GABRG1: variants seen among roughly 807,000 people sequenced by gnomAD.
GABRG1 encodes the protein gamma-aminobutyric acid type A receptor subunit gamma1, also known as gamma-aminobutyric acid receptor subunit gamma-1.
A neutral mutation model predicts 49.8 loss-of-function variants in GABRG1; 49 were observed. The ratio of observed to expected loss-of-function variants is 0.98; its 90% CI spans 0.78 to 1.25. GABRG1 has a LOEUF of 1.25. GABRG1 is among the 50% of genes most tolerant of loss of function. GABRG1 has a pLI of 0.00. For synonymous variants in GABRG1, 232 were observed against 185.1 expected, an observed-to-expected ratio of 1.25 and a Z score of -2.06; for missense variants, 552 against 552.3, an observed-to-expected ratio of 1.00 and a Z score of 0.01.
intron 7 of GABRG1, among the ~76,000 whole-genome samples, chr4:46,056,410 C>T (rs1371073914): frequency 1.3e-5 from 2 of 151,962 alleles, no homozygotes; most frequent in Non-Finnish European, 2.9e-5. Flanking sequence ...CCAATATCCA[C>T]CAGGTTAGCA....
rs1211282091 is a variant in GABRG1 at position 46,039,294 on chromosome 4, C to T, written c.*1694G>A. On this transcript the variant is annotated 3_prime_UTR_variant, in exon 9 of 9. Transcript: ENST00000295452. ...ATTGGGCATTACCATTTGATTCATG[C>T]TTATTTTTTTCCAGAAGTTTATGAG... 1 of 149,964 alleles carries T rather than the reference C, an allele frequency of 6.7e-6. No homozygotes were observed. Among genetic ancestry groups the T allele is most frequent in the Non-Finnish European group, 1.5e-5 (1 of 67,330 alleles). 9.3% of individuals were successfully genotyped at this position (149,964 alleles called of 1,614,324 possible).
intron 1 of GABRG1, among the ~76,000 whole-genome samples, chr4:46,104,922 T>A (rs1417246120): frequency 1.3e-5 from 2 of 151,450 alleles, no homozygotes; most frequent in South Asian, 2.1e-4. Context: ...CACAGTTTCC[T>A]CATCAAACTT....
chr4:46,075,312 A>G (rs1023899735), intron 3 of GABRG1, among the ~76,000 whole-genome samples: 3 of 151,982 alleles, frequency 2.0e-5, no homozygotes, highest in African/African-American at 4.8e-5. Flanking sequence ...CTTTTTGTTA[A>G]TTTTTAACTT....
intron 1 of GABRG1, among the ~76,000 whole-genome samples, chr4:46,109,187 C>G (rs1339132922): frequency 6.6e-6 from 1 of 150,528 alleles, no homozygotes; most frequent in East Asian, 2.0e-4. Flanking sequence ...AATACTGATT[C>G]AATTTTGAAA....
intron 3 of GABRG1, among the ~76,000 whole-genome samples, chr4:46,083,578 A>G (rs1232823950): frequency 6.6e-6 from 1 of 151,738 alleles, no homozygotes; most frequent in Admixed American, 6.6e-5. Context: ...AATTGCTGGA[A>G]GTCCCCCTGA....
In GABRG1 at chr4:46,036,553, C is replaced by T. The variant is rs1176479963; in HGVS notation, c.*4435G>A. On this transcript the variant is annotated 3_prime_UTR_variant, in exon 9 of 9. Coordinates refer to ENST00000295452, the MANE Select transcript of GABRG1 (RefSeq NM_173536.4). ...TACCCATCTACATGCAAGCAAGTAT[C>T]TACTACAGGATCCCTTCCACCCAAC... 1 of 151,886 alleles carries T rather than the reference C, an allele frequency of 6.6e-6. No homozygotes were observed. Among genetic ancestry groups the T allele is most frequent in the Non-Finnish European group, 1.5e-5 (1 of 67,904 alleles). The allele number at this position is 151,886 out of a possible 1,614,324, so 9.4% of individuals were successfully genotyped here.
chr4:46,109,908 T>A (rs570187144), intron 1 of GABRG1, among the ~76,000 whole-genome samples: 98 of 151,166 alleles, frequency 6.5e-4, no homozygotes, highest in African/African-American at 1.8e-3. Context: ...TTTTTGAATT[T>A]GTTGAGATGT....
chr4:46,048,913 A>G (rs958590242), intron 8 of GABRG1, among the ~76,000 whole-genome samples: 2 of 151,928 alleles, frequency 1.3e-5, no homozygotes, highest in Admixed American at 1.3e-4. Flanking sequence ...GAACATTTTG[A>G]GATTCTCAGT....
chr4:46,089,144 A>G (rs937680923), intron 2 of GABRG1, among the ~76,000 whole-genome samples: 1 of 152,038 alleles, frequency 6.6e-6, no homozygotes, highest in Admixed American at 6.6e-5. Flanking sequence ...TCAGCAGCAC[A>G]TATCTTCAGA....
intron 8 of GABRG1, among the ~76,000 whole-genome samples, chr4:46,043,073 C>T (rs990055316): frequency 3.3e-4 from 50 of 151,690 alleles, no homozygotes; most frequent in Non-Finnish European, 1.8e-4. Context: ...AGCATATGCT[C>T]TTATGCTAAT....
At chr4:46,046,682 AG>A (rs537120969) in intron 8 of GABRG1, among the ~76,000 whole-genome samples, 357 of 152,080 alleles carry the variant, frequency 2.3e-3, no homozygotes, top group African/African-American at 8.2e-3. Flanking sequence ...AGGCGGTGCC[AG>A]GGGGGACCCA....
At chr4:46,110,197 A>T (rs1485795783) in intron 1 of GABRG1, among the ~76,000 whole-genome samples, 1 of 151,014 alleles carries the variant, frequency 6.6e-6, no homozygotes, top group Non-Finnish European at 1.5e-5. Flanking sequence ...AGGTGCTCCA[A>T]TGTTGGGTGC....
At chr4:46,075,330 T>C (rs1006261492) in intron 3 of GABRG1, among the ~76,000 whole-genome samples, 14 of 152,214 alleles carry the variant, frequency 9.2e-5, no homozygotes, top group African/African-American at 3.4e-4. Context: ...CTTTTTTACT[T>C]TGAACATTTT....
At chr4:46,079,621 C>T (rs1017732796) in intron 3 of GABRG1, among the ~76,000 whole-genome samples, 6 of 151,846 alleles carry the variant, frequency 4.0e-5, no homozygotes, top group Non-Finnish European at 7.4e-5. Flanking sequence ...CAATTAAATT[C>T]ATGTCCAAAT....
At chr4:46,081,932 T>A (rs1207527278) in intron 3 of GABRG1, among the ~76,000 whole-genome samples, 11 of 151,806 alleles carry the variant, frequency 7.2e-5, no homozygotes, top group Non-Finnish European at 1.5e-4. Flanking sequence ...ATGACATAGA[T>A]CTTGGACTTC....
In GABRG1 at chr4:46,037,582, C is replaced by T. The variant is rs1717578898; in HGVS notation, c.*3406G>A. ...AAGAGTCTACTGGGTACCTTCAATGCCAGTTCTAAAACCAATGAAATAATT... is the reference window on the plus strand; with the variant it reads ...AAGAGTCTACTGGGTACCTTCAATGTCAGTTCTAAAACCAATGAAATAATT... On this transcript the variant is annotated 3_prime_UTR_variant, in exon 9 of 9. Transcript: ENST00000295452. The T allele has an allele frequency of 6.6e-6, 1 of 151,616 alleles. No individual in the cohort carries two copies. The highest frequency in any genetic ancestry group is 1.5e-5 in the Non-Finnish European group (1 of 67,846). The allele number at this position is 151,616 out of a possible 1,614,324, so 9.4% of individuals were successfully genotyped here. A position where few individuals can be genotyped will look rare whatever the true frequency, so the allele number is the denominator to read the frequency against.
chr4:46,067,024 T>C lies in GABRG1; in HGVS notation c.322-1440A>G, dbSNP rs549887691. On this transcript the variant is annotated intron_variant, in intron 3 of 8. Coordinates refer to ENST00000295452, the MANE Select transcript of GABRG1 (RefSeq NM_173536.4). ...AGAGATTGATTACTTGCACTTGATG[T>C]CGTATTAGCAATTGGCCAATTTTCC... is the stretch of plus-strand genomic sequence containing the variant. 4.6e-4 allele frequency among the ~76,000 whole-genome samples: 70 copies of C among 151,900 alleles called. No individual in the cohort carries two copies. In the South Asian group the frequency reaches 0.013, roughly 28 times the overall value.
At chr4:46,118,962 G>T (rs541850575) in intron 1 of GABRG1, among the ~76,000 whole-genome samples, 8 of 151,290 alleles carry the variant, frequency 5.3e-5, no homozygotes, top group African/African-American at 1.9e-4. Context: ...CTACTACTTG[G>T]TTATGGTTTG....
intron 1 of GABRG1, among the ~76,000 whole-genome samples, chr4:46,101,347 C>T (rs555282817): frequency 4.6e-5 from 7 of 151,458 alleles, no homozygotes; most frequent in Non-Finnish European, 1.0e-4. Flanking sequence ...TAGGGTGGTT[C>T]GGTTTTGAAT....
Sources: allele counts gnomAD v4.1 joint callset (sites outside exome capture counted in the v4.1 genomes callset), GRCh38; gene constraint gnomAD v4.1.1; transcripts MANE v1.5; gene names NCBI Gene and HGNC (gene_info 2026-07-23, HGNC 2026-07-21).